NKAIN2: variants seen among roughly 807,000 people sequenced by gnomAD.
NKAIN2 encodes the protein sodium/potassium transporting ATPase interacting 2, also known as sodium/potassium-transporting ATPase subunit beta-1-interacting protein 2.
NKAIN2 carries 14 observed loss-of-function variants against 32.6 expected under a neutral mutation model. The observed-to-expected ratio is 0.43, with a 90% CI of 0.28 to 0.67. NKAIN2 has a LOEUF of 0.67. Ranked by LOEUF, NKAIN2 falls within the 30% of genes least tolerant of loss-of-function variation. The pLI, the probability that NKAIN2 is intolerant of heterozygous loss-of-function variation, is 0.17. For synonymous variants in NKAIN2, 80 were observed against 87.2 expected, an observed-to-expected ratio of 0.92 and a Z score of 0.46; for missense variants, 198 against 258.3, an observed-to-expected ratio of 0.77 and a Z score of 1.60.
intron 1 of NKAIN2, among the ~76,000 whole-genome samples, chr6:124,157,727 A>G (rs960655318): frequency 2.0e-5 from 3 of 152,204 alleles, no homozygotes; most frequent in African/African-American, 7.2e-5. Context: ...TATTTTCAAC[A>G]AGCTAAAAGG....
At chr6:123,876,562 G>A (rs942566906) in intron 1 of NKAIN2, among the ~76,000 whole-genome samples, 4 of 152,174 alleles carry the variant, frequency 2.6e-5, no homozygotes, top group South Asian at 2.1e-4. Context: ...AGCCAGTGGT[G>A]TAGTTTAAAA....
At chr6:124,727,883 A>T (rs1170485610) in intron 4 of NKAIN2, among the ~76,000 whole-genome samples, 1 of 148,278 alleles carries the variant, frequency 6.7e-6, no homozygotes, top group East Asian at 2.0e-4. Context: ...CAAACGGAAA[A>T]CAAAAAAAGG....
At chr6:124,295,653 C>T (rs1275262562) in intron 2 of NKAIN2, among the ~76,000 whole-genome samples, 1 of 152,022 alleles carries the variant, frequency 6.6e-6, no homozygotes, top group African/African-American at 2.4e-5. Context: ...TCTGCTATGC[C>T]CTACTACTAT....
At chr6:123,812,590 A>G (rs1233120143) in intron 1 of NKAIN2, among the ~76,000 whole-genome samples, 3 of 152,180 alleles carry the variant, frequency 2.0e-5, no homozygotes, top group Non-Finnish European at 4.4e-5. Context: ...GGAACTTCTG[A>G]TATTTAGAAC....
intron 1 of NKAIN2, among the ~76,000 whole-genome samples, chr6:124,232,568 A>G (rs1453277256): frequency 6.6e-6 from 1 of 152,208 alleles, no homozygotes; most frequent in Non-Finnish European, 1.5e-5. Flanking sequence ...AATGCAAAAG[A>G]AACTATGTGA....
chr6:124,602,301 C>T (rs1022652581), intron 3 of NKAIN2, among the ~76,000 whole-genome samples: 3 of 150,006 alleles, frequency 2.0e-5, no homozygotes, highest in African/African-American at 7.6e-5. Context: ...ACTAACTCAT[C>T]TTATAGCATT....
intron 3 of NKAIN2, among the ~76,000 whole-genome samples, chr6:124,562,723 G>T (rs936692606): frequency 9.9e-5 from 15 of 152,114 alleles, no homozygotes; most frequent in African/African-American, 3.1e-4. Flanking sequence ...TGGAAGGAGT[G>T]CCATTTGTTT....
intron 1 of NKAIN2, among the ~76,000 whole-genome samples, chr6:123,976,940 A>C (rs909705097): frequency 2.7e-5 from 3 of 109,522 alleles, no homozygotes; most frequent in East Asian, 7.3e-4. Flanking sequence ...CACTGTCCTT[A>C]ATGCACCTGA....
chr6:124,388,213 A>G (rs778535197), intron 3 of NKAIN2, among the ~76,000 whole-genome samples: 1 of 151,452 alleles, frequency 6.6e-6, no homozygotes, highest in Non-Finnish European at 1.5e-5. Context: ...CCCTCTTGTT[A>G]CTATTGGATA....
intron 3 of NKAIN2, among the ~76,000 whole-genome samples, chr6:124,437,470 GCT>G (rs1048730696): frequency 6.6e-6 from 1 of 151,994 alleles, no homozygotes; most frequent in African/African-American, 2.4e-5. Flanking sequence ...TCTTTCTTTT[GCT>G]CTTTTTTTAC....
At chr6:124,411,386 A>T (rs543003273) in intron 3 of NKAIN2, among the ~76,000 whole-genome samples, 84 of 152,212 alleles carry the variant, frequency 5.5e-4, no homozygotes, top group South Asian at 3.5e-3. Context: ...GGTGGTGACA[A>T]AATCTCTCAG....
intron 4 of NKAIN2, among the ~76,000 whole-genome samples, chr6:124,768,209 T>G (rs1024731391): frequency 1.3e-5 from 2 of 152,284 alleles, no homozygotes; most frequent in East Asian, 3.9e-4. Context: ...TGTATATAAT[T>G]TGTAGATGGT....
intron 1 of NKAIN2, among the ~76,000 whole-genome samples, chr6:123,861,958 TG>T (rs1352141306): frequency 1.3e-5 from 2 of 152,194 alleles, no homozygotes; most frequent in African/African-American, 2.4e-5. Flanking sequence ...TATGATAATT[TG>T]ATGTCAATTA....
At chr6:124,484,513 G>A (rs1777576872) in intron 3 of NKAIN2, among the ~76,000 whole-genome samples, 1 of 152,102 alleles carries the variant, frequency 6.6e-6, no homozygotes, top group African/African-American at 2.4e-5. Flanking sequence ...ATATAACTAT[G>A]TTAAACTCTA....
At chr6:124,040,043 G>A (rs1249788927) in intron 1 of NKAIN2, among the ~76,000 whole-genome samples, 2 of 151,878 alleles carry the variant, frequency 1.3e-5, no homozygotes, top group Non-Finnish European at 2.9e-5. Flanking sequence ...ATCAATGGCT[G>A]TTATTTATTA....
At chr6:124,636,392 A>G (rs1783774679) in intron 3 of NKAIN2, among the ~76,000 whole-genome samples, 1 of 151,944 alleles carries the variant, frequency 6.6e-6, no homozygotes, top group East Asian at 1.9e-4. Context: ...ACTAAACCCA[A>G]GGTTAGTAGG....
At chr6:124,174,252 A>C (rs1333316498) in intron 1 of NKAIN2, among the ~76,000 whole-genome samples, 1 of 152,172 alleles carries the variant, frequency 6.6e-6, no homozygotes, top group Non-Finnish European at 1.5e-5. Context: ...AATGCCACAG[A>C]ATCCTGAATT....
intron 1 of NKAIN2, among the ~76,000 whole-genome samples, chr6:124,110,179 T>G (rs1785314662): frequency 6.6e-6 from 1 of 151,754 alleles, no homozygotes; most frequent in Non-Finnish European, 1.5e-5. Flanking sequence ...AACAATATTT[T>G]ACTATTATCG....
At chr6:123,983,747 T>A (rs2873620) in intron 1 of NKAIN2, among the ~76,000 whole-genome samples, 2,021 of 19,116 alleles carry the variant, frequency 0.11, 28 homozygotes, top group African/African-American at 0.26. Context: ...ATATATATAT[T>A]TTTTTTTTCT....
Sources: allele counts gnomAD v4.1 joint callset (sites outside exome capture counted in the v4.1 genomes callset), GRCh38; gene constraint gnomAD v4.1.1; transcripts MANE v1.5; gene names NCBI Gene and HGNC (gene_info 2026-07-23, HGNC 2026-07-21).